The following MELTF variants were observed in gnomAD, a reference collection of about 807,000 sequenced individuals.
MELTF encodes the protein melanotransferrin, also known as antigen p97 (melanoma associated) identified by monoclonal antibodies 133.2 and 96.5.
A neutral mutation model predicts 83.7 loss-of-function variants in MELTF; 67 were observed. That is an observed-to-expected ratio of 0.80 (90% confidence interval 0.66 to 0.98). The LOEUF (loss-of-function observed/expected upper bound fraction) is 0.98. Among genes scored for constraint, MELTF ranks in the 50% least tolerant of loss-of-function variants. MELTF has a pLI of 0.00. For synonymous variants in MELTF, 462 were observed against 447.6 expected (o/e 1.03, Z -0.41); for missense variants, 1,002 against 1,035.6 (o/e 0.97, Z 0.44).
rs1168921194 is a variant in MELTF at position 197,003,841 on chromosome 3, G to A, written c.2137+60C>T. 1.9e-6 allele frequency: 3 copies of A among 1,562,394 alleles called. No individual in the cohort carries two copies. The African/African-American group carries it at 4.1e-5, about 21-fold the overall frequency. On this transcript the variant is annotated intron_variant, in intron 15 of 15. Transcript: ENST00000296350. The surrounding 1 kb of genome is among the most constrained non-coding windows in gnomAD (Gnocchi z 6.2). Reference sequence around the variant, plus strand: ...CCGCAGCGCCCCCCGCTCCCTCAGGGTTCTGGGGTGAAGGGGTCTGAATAG... The same window carrying A: ...CCGCAGCGCCCCCCGCTCCCTCAGGATTCTGGGGTGAAGGGGTCTGAATAG...
rs1447143654 is a variant in MELTF, at chr3:197,024,519, G to A, written c.305-34C>T. On this transcript the variant is annotated intron_variant, in intron 3 of 15. Transcript: ENST00000296350. The surrounding 1 kb of genome is among the most constrained non-coding windows in gnomAD (Gnocchi z 5.3). ...GGAGGGGAGTGGGTGAGGGCAGCAGGGAGAGGCCTCGAGAGAGGCTGCACC... is the reference window on the plus strand; with the variant it reads ...GGAGGGGAGTGGGTGAGGGCAGCAGAGAGAGGCCTCGAGAGAGGCTGCACC... 1 of 1,538,394 alleles carries A rather than the reference G, an allele frequency of 6.5e-7. No individual in the cohort carries two copies. Among genetic ancestry groups the A allele is most frequent in the South Asian group, 1.2e-5 (1 of 82,170 alleles).
chr3:197,010,004 A>G (rs1184797808), intron 10 of MELTF, among the ~76,000 whole-genome samples, 192 bp from the exon 11 acceptor site: 2 of 152,236 alleles, frequency 1.3e-5, no homozygotes, highest in African/African-American at 4.8e-5. Flanking sequence ...GTCCCCTGTG[A>G]GAAGCAGCCT....
At chr3:197,028,300 C>G (rs1232472788) in intron 1 of MELTF, 6 of 184,508 alleles carry the variant, frequency 3.3e-5, no homozygotes, top group African/African-American at 1.4e-4. Flanking sequence ...CGTGTAGGTT[C>G]CCTCACCCAG....
chr3:197,003,748 T>G lies in MELTF; in HGVS notation c.2137+153A>C. Reference sequence around the variant, plus strand: ...CCCGCCCTCCCGGCCCGCAGCCTCCTGGCCAAAATCCTCCCGGGACACCCC... The same window carrying G: ...CCCGCCCTCCCGGCCCGCAGCCTCCGGGCCAAAATCCTCCCGGGACACCCC... On this transcript the variant is annotated intron_variant, in intron 15 of 15. Transcript: ENST00000296350. The surrounding 1 kb of genome is among the most constrained non-coding windows in gnomAD (Gnocchi z 6.2). The G allele has an allele frequency of 1.5e-6, 1 of 661,140 alleles. No homozygotes were observed. Among genetic ancestry groups the G allele is most frequent in the Non-Finnish European group, 2.3e-6 (1 of 425,538 alleles). 41.0% of individuals were successfully genotyped at this position (661,140 alleles called of 1,614,324 possible). A position where few individuals can be genotyped will look rare whatever the true frequency, so the allele number is the denominator to read the frequency against.
rs554606662 is a variant in MELTF at position 197,027,644 on chromosome 3, G to A, written c.204+112C>T. On this transcript the variant is annotated intron_variant, in intron 2 of 15. Transcript: ENST00000296350. ...CCAGGGAGACTCGGGAGATCCTATCGGCCGGGCCTGGCAGGGCGAGGTCGG... is the reference window on the plus strand; with the variant it reads ...CCAGGGAGACTCGGGAGATCCTATCAGCCGGGCCTGGCAGGGCGAGGTCGG... The A allele has an allele frequency of 1.4e-5, 18 of 1,320,822 alleles. No individual in the cohort carries two copies. In the East Asian group the frequency reaches 1.5e-4, roughly 11 times the overall value. 81.8% of individuals were successfully genotyped at this position (1,320,822 alleles called of 1,614,324 possible). A position where few individuals can be genotyped will look rare whatever the true frequency, so the allele number is the denominator to read the frequency against.
chr3:197,008,642 C>G lies in MELTF; in HGVS notation c.1750+15G>C. The G allele has an allele frequency of 1.9e-6, 3 of 1,612,714 alleles. No individual in the cohort carries two copies. The highest frequency in any genetic ancestry group is 2.5e-6 in the Non-Finnish European group (3 of 1,179,188). ...CCCCCGACCTACCTTTGGCCCTGCTCTTGCCCCCACCTACCGTTTGTGTTG... is the reference window on the plus strand; with the variant it reads ...CCCCCGACCTACCTTTGGCCCTGCTGTTGCCCCCACCTACCGTTTGTGTTG... On this transcript the variant is annotated intron_variant, in intron 13 of 15. Transcript: ENST00000296350. This position sits in a 1 kb window ranked among gnomAD's most constrained non-coding sequence, Gnocchi z 5.4.
chr3:197,017,180 G>A lies in MELTF; in HGVS notation c.823C>T (p.Arg275Trp), dbSNP rs760912907. The change falls in exon 7 of 16, where the codon CGG (arginine) becomes TGG (tryptophan). Residue 275 changes from arginine (R) to tryptophan (W), a missense_variant. By Grantham distance (101) the Arg-to-Trp change is moderately radical (BLOSUM62 -3). Coordinates refer to ENST00000296350, the MANE Select transcript of MELTF (RefSeq NM_005929.6). ...VTEWRQCHLARVPAHAVVVRA... is the reference protein window; with the variant it reads ...VTEWRQCHLAWVPAHAVVVRA... ...ACCACCACGGCGTGAGCAGGCACCC[G>A]GGCCAGATGGCACTGCCTCCACTCG... The A allele has an allele frequency of 3.9e-5, 63 of 1,608,080 alleles. No individual in the cohort carries two copies. Among genetic ancestry groups the A allele is most frequent in the Non-Finnish European group, 5.0e-5 (59 of 1,178,376 alleles).
intron 6 of MELTF, among the ~76,000 whole-genome samples, chr3:197,021,105 C>A (rs1272425724): frequency 6.6e-6 from 1 of 152,238 alleles, no homozygotes; most frequent in East Asian, 1.9e-4. Flanking sequence ...AGACCCTCAT[C>A]TTCAGGTGGA....
In MELTF at chr3:197,012,451, C is replaced by T. The variant is rs188477355; in HGVS notation, c.1234-1657G>A. ...GAGTGTCAGCTTGCGCGATGGTCAT[C>T]GTCGTAAGCCTGGTCACCCTGTATT... is the stretch of plus-strand genomic sequence containing the variant. On this transcript the variant is annotated intron_variant, in intron 9 of 15. Transcript: ENST00000296350. 3.3e-5 allele frequency among the ~76,000 whole-genome samples: 5 copies of T among 152,372 alleles called. No homozygotes were observed. The East Asian group carries it at 5.8e-4, about 18-fold the overall frequency.
intron 6 of MELTF, chr3:197,019,699 T>A (rs930693688): frequency 9.9e-6 from 16 of 1,614,034 alleles, no homozygotes; most frequent in Non-Finnish European, 1.4e-5. Flanking sequence ...TTTCCAGGCT[T>A]GCCCAGCACT....
chr3:197,016,404 G>A (rs753877842), intron 7 of MELTF, 35 bp from the exon 8 acceptor site: 1 of 1,459,930 alleles, frequency 6.8e-7, no homozygotes, highest in Non-Finnish European at 9.1e-7. Context: ...GGGTGGTGAG[G>A]GTGCTGACAG....
chr3:197,003,606 G>T lies in MELTF; in HGVS notation c.2138-155C>A, dbSNP rs571663426. ...TTTCCCCTGCTGCCCTTCCAGATGC[G>T]CTCTTTCCAGAAAGGCAGCACACGC... is the stretch of plus-strand genomic sequence containing the variant. On this transcript the variant is annotated intron_variant, in intron 15 of 15. Transcript: ENST00000296350. The surrounding 1 kb of genome is among the most constrained non-coding windows in gnomAD (Gnocchi z 6.2). The T allele has an allele frequency of 8.4e-4, 562 of 672,582 alleles. 7 individuals carry two copies. In the African/African-American group the frequency reaches 9.7e-3, roughly 12 times the overall value. The allele number at this position is 672,582 out of a possible 1,614,324, so 41.7% of individuals were successfully genotyped here. A position where few individuals can be genotyped will look rare whatever the true frequency, so the allele number is the denominator to read the frequency against.
intron 8 of MELTF, among the ~76,000 whole-genome samples, chr3:197,015,940 C>T (rs1480469526): frequency 6.6e-6 from 1 of 152,118 alleles, no homozygotes; most frequent in Non-Finnish European, 1.5e-5. Flanking sequence ...GGAGACCCTT[C>T]CCAAGACAGA....
At chr3:197,028,466 A>G (rs111297505) in intron 1 of MELTF, 1,964 of 154,302 alleles carry the variant, frequency 0.013, 20 homozygotes, top group Non-Finnish European at 0.019. Flanking sequence ...AGGCCCTGCC[A>G]AGGGAAGACG....
chr3:197,023,724 G>GT (rs35543320), intron 4 of MELTF: 4,169 of 321,970 alleles, frequency 0.013, no homozygotes, highest in Middle Eastern at 0.031. Flanking sequence ...CCTCTTCCTG[G>GT]TTTTTTTTTT....
At chr3:197,017,792 G>GC (rs2148586349) in intron 6 of MELTF, among the ~76,000 whole-genome samples, 1 of 152,170 alleles carries the variant, frequency 6.6e-6, no homozygotes, top group Non-Finnish European at 1.5e-5. Flanking sequence ...CAGGAGAATG[G>GC]TGTGAACCTG....
Position 197,009,807 on chromosome 3 carries a change from C to G in MELTF, c.1336G>C (p.Asp446His). 6.2e-7 allele frequency: 1 copy of G among 1,609,594 alleles called. No individual in the cohort carries two copies. Among genetic ancestry groups the G allele is most frequent in the Non-Finnish European group, 8.5e-7 (1 of 1,176,958 alleles). ...ACCACGTAGTACGAGTTGCTGCTGT[C>G]TTCCGCTGGGGAGAGAGGGACTCAC... is the stretch of plus-strand genomic sequence containing the variant. ...PAAGEHYAPE[D>H]SSNSYYVVAV... Residue 446 changes from aspartate to histidine, a missense_variant, in exon 11 of 16, where the codon GAC becomes CAC. By Grantham distance (81) the Asp-to-His change is moderately conservative. Coordinates refer to ENST00000296350, the MANE Select transcript of MELTF (RefSeq NM_005929.6).
rs748867709 is a variant in MELTF, at chr3:197,027,927, G to T, written c.50-17C>A. 6.4e-7 allele frequency: 1 copy of T among 1,552,490 alleles called. No homozygotes were observed. The highest frequency in any genetic ancestry group is 8.7e-7 in the Non-Finnish European group (1 of 1,148,276). ...CACCGAGCACTGCGGGCAGGGGACC[G>T]TGAGGCCCGGCTCCCCCGCCCTGCC... On this transcript the variant is annotated splice_polypyrimidine_tract_variant and intron_variant, in intron 1 of 15. Coordinates refer to ENST00000296350, the MANE Select transcript of MELTF (RefSeq NM_005929.6).
chr3:197,029,353 C>T lies in MELTF; in HGVS notation c.49+301G>A, dbSNP rs1719993467. On this transcript the variant is annotated intron_variant, in intron 1 of 15. Coordinates refer to ENST00000296350, the MANE Select transcript of MELTF (RefSeq NM_005929.6). This position sits in a 1 kb window ranked among gnomAD's most constrained non-coding sequence, Gnocchi z 6.5. ...GCGCCCGTCGGGAGGGGCCGCCCTC[C>T]GGGAGCTCCTCTCCACACCCCGAGG... The T allele has an allele frequency of 5.9e-6, 2 of 340,234 alleles. No individual in the cohort carries two copies. The allele number at this position is 340,234 out of a possible 1,614,324, so 21.1% of individuals were successfully genotyped here.
Sources: gnomAD v4.1 joint callset for allele counts (sites outside exome capture counted in the v4.1 genomes callset) on GRCh38, gnomAD v4.1.1 for gene constraint, Gnocchi (gnomAD v3.1) non-coding constraint, MANE v1.5 for transcripts, NCBI Gene and HGNC (gene_info 2026-07-23, HGNC 2026-07-21) for gene names.